BRD4: variants seen among roughly 807,000 people sequenced by gnomAD.
The protein encoded by BRD4 is bromodomain-containing protein 4.
A neutral mutation model predicts 142.1 loss-of-function variants in BRD4; 16 were observed. The observed-to-expected ratio is 0.11, with a 90% CI of 0.08 to 0.17. BRD4 has a LOEUF of 0.17. Ranked by LOEUF, BRD4 falls within the 10% of genes least tolerant of loss-of-function variation. The probability of loss-of-function intolerance (pLI) is 1.00; values close to 1 mark genes in which losing one functional copy is unlikely to be tolerated. For missense variants in BRD4, 1,424 were observed against 1,810.9 expected (o/e 0.79, Z 3.88); for synonymous variants, 833 against 707.5 (o/e 1.18, Z -2.82).
chr19:15,276,702 A>C (rs2145635779), intron 1 of BRD4, among the ~76,000 whole-genome samples: 1 of 152,334 alleles, frequency 6.6e-6, no homozygotes, highest in African/African-American at 2.4e-5. Flanking sequence ...AAAGCTCTGG[A>C]AAAGCAAAAC....
chr19:15,255,274 A>G (rs200780202), intron 10 of BRD4, 23 bp downstream of exon 10: 11 of 1,599,294 alleles, frequency 6.9e-6, no homozygotes, highest in Non-Finnish European at 9.4e-6. Context: ...AAGGAACCCC[A>G]TGCCCAGGGG....
In BRD4 at chr19:15,243,032, G is replaced by A. The variant is rs1325249458; in HGVS notation, c.3037C>T (p.Pro1013Ser). The part of the protein sequence containing the change: ...QFSTHIQQPP[P>S]PQGQQPPHPP... ...TGGGGGGGCTGCTGGCCCTGGGGTGGCGGGGGCTGTTGGATGTGGGTGGAA... is the reference window on the plus strand; with the variant it reads ...TGGGGGGGCTGCTGGCCCTGGGGTGACGGGGGCTGTTGGATGTGGGTGGAA... The change falls in exon 14 of 20, where the codon CCA becomes TCA. Residue 1013 changes from proline (P) to serine (S), a missense_variant. By Grantham distance (74) the Pro-to-Ser change is moderately conservative. Transcript: ENST00000679869. 2 of 1,531,212 alleles carry A rather than the reference G, an allele frequency of 1.3e-6. No individual in the cohort carries two copies. Among genetic ancestry groups the A allele is most frequent in the East Asian group, 2.4e-5 (1 of 40,958 alleles). The allele number at this position is 1,531,212 out of a possible 1,614,324, so 94.9% of individuals were successfully genotyped here.
intron 2 of BRD4, among the ~76,000 whole-genome samples, chr19:15,271,512 C>T (rs78376849): frequency 6.6e-6 from 1 of 152,196 alleles, no homozygotes; most frequent in Non-Finnish European, 1.5e-5. Flanking sequence ...CCTCCAACCC[C>T]TAAGGGCCTC....
At position 15,243,276 on chromosome 19, in the gene BRD4, G is replaced by A. The variant is rs2047255435; in HGVS notation, c.2793C>T (p.Tyr931=). ...PPLTSMQMQL[Y]LQQLQKVQPP... ...GCTGCACCTTCTGCAGCTGCTGCAGGTACAGCTGCATCTGCATGGAGGTGA... is the reference window on the plus strand; with the variant it reads ...GCTGCACCTTCTGCAGCTGCTGCAGATACAGCTGCATCTGCATGGAGGTGA... The change falls in exon 14 of 20, where the codon TAC becomes TAT. Residue 931 remains tyrosine, a synonymous_variant. Coordinates refer to ENST00000679869, the MANE Select transcript of BRD4 (RefSeq NM_001379291.1). The A allele has an allele frequency of 6.8e-7, 1 of 1,470,302 alleles. No homozygotes were observed. The highest frequency in any genetic ancestry group is 9.1e-7 in the Non-Finnish European group (1 of 1,101,456). 91.1% of individuals were successfully genotyped at this position (1,470,302 alleles called of 1,614,324 possible). A position where few individuals can be genotyped will look rare whatever the true frequency, so the allele number is the denominator to read the frequency against.
At chr19:15,314,381 G>A (rs932465765) in intron 1 of BRD4, among the ~76,000 whole-genome samples, 5 of 152,120 alleles carry the variant, frequency 3.3e-5, no homozygotes, top group Non-Finnish European at 7.4e-5. Context: ...AGGACACATT[G>A]TTTTGGAAAG....
chr19:15,316,695 G>T (rs1394938218), intron 1 of BRD4, among the ~76,000 whole-genome samples: 1 of 152,258 alleles, frequency 6.6e-6, no homozygotes, highest in African/African-American at 2.4e-5. Flanking sequence ...TTCCACTCTT[G>T]TGAATGTCTT....
At chr19:15,312,508 T>G (rs1395604862) in intron 1 of BRD4, among the ~76,000 whole-genome samples, 1 of 152,100 alleles carries the variant, frequency 6.6e-6, no homozygotes, top group Non-Finnish European at 1.5e-5. Flanking sequence ...GGTGTGCGCC[T>G]GTAATCCCAG....
At chr19:15,247,496 G>T (rs1037226212) in intron 11 of BRD4, 5 of 233,104 alleles carry the variant, frequency 2.1e-5, no homozygotes, top group Non-Finnish European at 3.4e-5. Flanking sequence ...AGGGTCCCTG[G>T]ACAGCGAGGT....
At chr19:15,252,861 G>A (rs1476410502) in intron 11 of BRD4, 1 of 176,248 alleles carries the variant, frequency 5.7e-6, no homozygotes, top group African/African-American at 2.4e-5. Context: ...GAGGAATACT[G>A]ACAAGGCCCG....
chr19:15,289,210 G>A (rs1019267069), intron 1 of BRD4, among the ~76,000 whole-genome samples: 3 of 152,112 alleles, frequency 2.0e-5, no homozygotes, highest in Admixed American at 6.5e-5. Context: ...TTTCTCCCAC[G>A]ACCTTTCCAA....
rs184893984 is a variant in BRD4, at chr19:15,307,092, G to T, written c.-35+25198C>A. 3.8e-3 allele frequency among the ~76,000 whole-genome samples: 582 copies of T among 152,320 alleles called. 1 individual carries two copies. Among genetic ancestry groups the T allele is most frequent in the Non-Finnish European group, 5.5e-3 (371 of 68,032 alleles). ...CAAAATTCAGGATGGGCAAGGAAAT[G>T]AAGTAGGGAAAGGAACACACACAGG... On this transcript the variant is annotated intron_variant, in intron 1 of 19. Transcript: ENST00000679869.
In BRD4 at chr19:15,239,936, G is replaced by T; in HGVS notation, c.3256C>A (p.Gln1086Lys). 6.2e-7 allele frequency: 1 copy of T among 1,614,116 alleles called. No individual in the cohort carries two copies. The highest frequency in any genetic ancestry group is 8.5e-7 in the Non-Finnish European group (1 of 1,180,042). The change falls in exon 15 of 20, where the codon CAG becomes AAG. Residue 1086 changes from glutamine (Q) to lysine (K), a missense_variant. This residue lies in a region of BRD4 where 598 missense variants were observed against 647.8 expected (regional missense o/e 0.92). Coordinates refer to ENST00000679869, the MANE Select transcript of BRD4 (RefSeq NM_001379291.1). This position sits in a 1 kb window ranked among gnomAD's most constrained non-coding sequence, Gnocchi z 7.4. ...FQSLTHQSPP[Q>K]QNVQPKKQEL... ...TGTTTCTTAGGCTGGACGTTTTGCT[G>T]GGGTGGAGACTGGTGGGTCAGGCTC...
In BRD4 at chr19:15,251,370, C is replaced by G. The variant is rs191660904; in HGVS notation, c.2158+2782G>C. ...GGGCCGTTGTCAGCGGAACTAACCC[C>G]GTAGTATAAGTGACAAAAATAGGCC... On this transcript the variant is annotated intron_variant, in intron 11 of 19. Coordinates refer to ENST00000679869, the MANE Select transcript of BRD4 (RefSeq NM_001379291.1). 5.5e-3 allele frequency among the ~76,000 whole-genome samples: 753 copies of G among 136,526 alleles called. 2 individuals carry two copies. Among genetic ancestry groups the G allele is most frequent in the Non-Finnish European group, 8.3e-3 (553 of 66,326 alleles). The allele number at this position is 136,526 out of a possible 152,430, so 89.6% of individuals were successfully genotyped here.
intron 1 of BRD4, among the ~76,000 whole-genome samples, chr19:15,284,618 C>T (rs548102001): frequency 5.3e-5 from 8 of 152,190 alleles, no homozygotes. Context: ...TAAAAGCAAG[C>T]CACCCAGATA....
At chr19:15,312,035 G>C (rs1449382170) in intron 1 of BRD4, among the ~76,000 whole-genome samples, 1 of 152,166 alleles carries the variant, frequency 6.6e-6, no homozygotes, top group African/African-American at 2.4e-5. Flanking sequence ...CTGTAAAATG[G>C]TTAGGATGTT....
chr19:15,264,855 C>T, intron 5 of BRD4, 89 bp from the exon 6 acceptor site: 1 of 1,515,872 alleles, frequency 6.6e-7, no homozygotes, highest in Non-Finnish European at 8.8e-7. Context: ...CAGGCCCTGT[C>T]TTGGGGCCCA....
At chr19:15,242,487 T>C (rs2047245882) in intron 14 of BRD4, among the ~76,000 whole-genome samples, 1 of 152,108 alleles carries the variant, frequency 6.6e-6, no homozygotes, top group Admixed American at 6.5e-5. Flanking sequence ...CCCCACACCA[T>C]GGTTCTGGCT....
At chr19:15,278,109 A>T (rs56402207) in intron 1 of BRD4, among the ~76,000 whole-genome samples, 16 of 29,476 alleles carry the variant, frequency 5.4e-4, no homozygotes, top group African/African-American at 3.0e-3. Context: ...CCGTCTCAAA[A>T]AAAAAAAAAA....
chr19:15,248,016 C>A lies in BRD4; in HGVS notation c.2159-3254G>T, dbSNP rs1251822931. On this transcript the variant is annotated intron_variant, in intron 11 of 19. Coordinates refer to ENST00000679869, the MANE Select transcript of BRD4 (RefSeq NM_001379291.1). ...GGGGAGCCTGCACCCAAGGGCTTGCCCATGGTGATAGCCCACTTCCAGTTC... is the reference window on the plus strand; with the variant it reads ...GGGGAGCCTGCACCCAAGGGCTTGCACATGGTGATAGCCCACTTCCAGTTC... 1.8e-5 allele frequency: 4 copies of A among 220,882 alleles called. No homozygotes were observed. The East Asian group carries it at 2.6e-4, about 15-fold the overall frequency. The allele number at this position is 220,882 out of a possible 1,614,324, so 13.7% of individuals were successfully genotyped here.
Sources: gnomAD v4.1 joint callset for allele counts (sites outside exome capture counted in the v4.1 genomes callset) on GRCh38, gnomAD v4.1.1 for gene constraint, gnomAD v4.1.1 regional missense constraint, Gnocchi (gnomAD v3.1) non-coding constraint, MANE v1.5 for transcripts, NCBI Gene and HGNC (gene_info 2026-07-23, HGNC 2026-07-21) for gene names.